Variants in USP37 observed in about 807,000 individuals in gnomAD.
USP37 encodes ubiquitin carboxyl-terminal hydrolase 37.
USP37 carries 27 observed loss-of-function variants against 124.0 expected under a neutral mutation model. The ratio of observed to expected loss-of-function variants is 0.22; its 90% CI spans 0.16 to 0.30. The LOEUF is 0.30. Ranked by LOEUF, USP37 falls within the 10% of genes least tolerant of loss-of-function variation. USP37 has a pLI of 1.00. For missense variants in USP37, 889 were observed against 1,140.4 expected, an observed-to-expected ratio of 0.78 and a Z score of 3.17; for synonymous variants, 365 against 388.0, an observed-to-expected ratio of 0.94 and a Z score of 0.70.
chr2:218,543,501 CAAAAAA>C (rs35321679), intron 8 of USP37, among the ~76,000 whole-genome samples: 17 of 36,932 alleles, frequency 4.6e-4, no homozygotes, highest in Non-Finnish European at 6.6e-4. Context: ...GACTCCGTCT[CAAAAAA>C]AAAAAAAAAA....
chr2:218,563,151 A>C lies in USP37; in HGVS notation c.-229-338T>G, dbSNP rs1405757716. Among the ~76,000 whole-genome samples, 3 of 139,774 alleles carry C rather than the reference A, an allele frequency of 2.1e-5. No homozygotes were observed. The Admixed American group carries it at 2.2e-4, about 10-fold the overall frequency. 91.7% of individuals were successfully genotyped at this position (139,774 alleles called of 152,430 possible). On this transcript the variant is annotated intron_variant, in intron 1 of 25. Transcript: ENST00000258399. ...GCACTCCAACCTGGGCAACAAGAGC[A>C]AAACTCCATCTCAAAAAAAAAAAAA...
chr2:218,487,248 A>G (rs944038854), intron 15 of USP37, among the ~76,000 whole-genome samples: 3 of 152,216 alleles, frequency 2.0e-5, no homozygotes, highest in Admixed American at 6.5e-5. Context: ...GATAAACATG[A>G]TTCTTTCTTC....
rs1692312897 is a variant in USP37, at chr2:218,546,226, T to C, written c.675A>G (p.Ser225=). The change falls in exon 8 of 26, where the codon TCA becomes TCG. Residue 225 remains serine (S), a synonymous_variant. Coordinates refer to ENST00000258399, the MANE Select transcript of USP37 (RefSeq NM_020935.3). The part of the protein sequence containing the change: ...LNEDYPKEND[S]SSNNKAMTDP... Reference sequence around the variant, plus strand: ...AGGCCCTTAAAGTAACTTACGATGATGAATCATTTTCCTTAGGGTAATCTT... The same window carrying C: ...AGGCCCTTAAAGTAACTTACGATGACGAATCATTTTCCTTAGGGTAATCTT... The C allele has an allele frequency of 1.2e-6, 2 of 1,611,946 alleles. No individual in the cohort carries two copies. Among genetic ancestry groups the C allele is most frequent in the African/African-American group, 1.3e-5 (1 of 74,984 alleles).
At chr2:218,526,061 G>GT (rs1397165155) in intron 10 of USP37, among the ~76,000 whole-genome samples, 2 of 152,144 alleles carry the variant, frequency 1.3e-5, no homozygotes, top group African/African-American at 4.8e-5. Flanking sequence ...CGGTGTATAT[G>GT]TATCACGTTC....
At chr2:218,518,282 T>C (rs1559202089) in intron 10 of USP37, among the ~76,000 whole-genome samples, 2 of 152,170 alleles carry the variant, frequency 1.3e-5, no homozygotes, top group Admixed American at 1.3e-4. Flanking sequence ...AATTTCACAG[T>C]TTAAGGTTTT....
rs1305495488 is a variant in USP37, at chr2:218,451,394, A to G, written c.*3536T>C. 1 of 152,208 alleles carries G rather than the reference A, an allele frequency of 6.6e-6. No individual in the cohort carries two copies. Among genetic ancestry groups the G allele is most frequent in the Admixed American group, 6.5e-5 (1 of 15,270 alleles). The allele number at this position is 152,208 out of a possible 1,614,324, so 9.4% of individuals were successfully genotyped here. A position where few individuals can be genotyped will look rare whatever the true frequency, so the allele number is the denominator to read the frequency against. ...CACCTCGGGGGGTCAATTAAATTAA[A>G]AAGGCCCTCCAACCACCCTAAATGG... is the stretch of plus-strand genomic sequence containing the variant. On this transcript the variant is annotated 3_prime_UTR_variant, in exon 26 of 26. Transcript: ENST00000258399.
chr2:218,471,470 G>T (rs1186079735), intron 20 of USP37, among the ~76,000 whole-genome samples: 1 of 152,184 alleles, frequency 6.6e-6, no homozygotes, highest in Non-Finnish European at 1.5e-5. Context: ...GTGATCTCAT[G>T]TATTACTATA....
At chr2:218,543,319 T>G (rs537542202) in intron 8 of USP37, among the ~76,000 whole-genome samples, 1 of 150,174 alleles carries the variant, frequency 6.7e-6, no homozygotes, top group African/African-American at 2.5e-5. Context: ...CTGGGCAACA[T>G]GGTGAAACCC....
chr2:218,527,449 T>C (rs1430142169), intron 10 of USP37, among the ~76,000 whole-genome samples: 1 of 152,238 alleles, frequency 6.6e-6, no homozygotes, highest in African/African-American at 2.4e-5. Context: ...TCGTGCTGGT[T>C]TGAAGTCCCA....
intron 20 of USP37, among the ~76,000 whole-genome samples, chr2:218,466,530 T>C (rs934854747): frequency 6.6e-6 from 1 of 152,082 alleles, no homozygotes; most frequent in South Asian, 2.1e-4. Flanking sequence ...GAAGGCAAAA[T>C]TGTTCTTGTT....
chr2:218,451,717 A>G lies in USP37; in HGVS notation c.*3213T>C, dbSNP rs1409704375. Reference sequence around the variant, plus strand: ...ATTTTATACTTGATCAAGGAGAAAAATAAATGTGTAGTCTAACATTTGCTT... The same window carrying G: ...ATTTTATACTTGATCAAGGAGAAAAGTAAATGTGTAGTCTAACATTTGCTT... On this transcript the variant is annotated 3_prime_UTR_variant, in exon 26 of 26. Coordinates refer to ENST00000258399, the MANE Select transcript of USP37 (RefSeq NM_020935.3). The G allele has an allele frequency of 6.6e-6, 1 of 152,424 alleles. No homozygotes were observed. The highest frequency in any genetic ancestry group is 1.5e-5 in the Non-Finnish European group (1 of 68,048). The allele number at this position is 152,424 out of a possible 1,614,324, so 9.4% of individuals were successfully genotyped here. A position where few individuals can be genotyped will look rare whatever the true frequency, so the allele number is the denominator to read the frequency against.
intron 24 of USP37, 100 bp downstream of exon 24, chr2:218,456,992 A>T: frequency 8.1e-7 from 1 of 1,227,568 alleles, no homozygotes. Context: ...AAAAAGAAAA[A>T]GAAAAACACA....
At chr2:218,553,207 T>C (rs1339856523) in intron 5 of USP37, among the ~76,000 whole-genome samples, 1 of 152,250 alleles carries the variant, frequency 6.6e-6, no homozygotes, top group African/African-American at 2.4e-5. Flanking sequence ...AAGTACGATG[T>C]TAGCTGTAAG....
intron 8 of USP37, among the ~76,000 whole-genome samples, chr2:218,544,405 AAATATAT>A (rs1194465428): frequency 1.7e-4 from 12 of 70,480 alleles, no homozygotes; most frequent in Admixed American, 6.8e-4. Context: ...AAAAAAAAAA[AAATATAT>A]ATATATATAT....
rs553294984 is a variant in USP37 at position 218,517,158 on chromosome 2, C to T, written c.864-7018G>A. 7.2e-5 allele frequency among the ~76,000 whole-genome samples: 11 copies of T among 152,300 alleles called. No homozygotes were observed. The South Asian group carries it at 1.7e-3, about 23-fold the overall frequency. ...AGTCTAATGTAGCTGACTCTTTTAC[C>T]TTCTCCTGGATAATGAAAGAAACTA... is the stretch of plus-strand genomic sequence containing the variant. On this transcript the variant is annotated intron_variant, in intron 10 of 25. Coordinates refer to ENST00000258399, the MANE Select transcript of USP37 (RefSeq NM_020935.3).
chr2:218,518,156 A>G (rs968053700), intron 10 of USP37, among the ~76,000 whole-genome samples: 5 of 152,052 alleles, frequency 3.3e-5, no homozygotes, highest in African/African-American at 4.8e-5. Flanking sequence ...AGATTTCCCA[A>G]TGTTGCCCGG....
chr2:218,451,778 CAT>C lies in USP37; in HGVS notation c.*3150_*3151del, dbSNP rs536439724. 1.3e-4 allele frequency: 20 copies of C among 152,732 alleles called. 1 individual carries two copies. The highest frequency in any genetic ancestry group is 4.1e-4 in the African/African-American group (17 of 41,580). 9.5% of individuals were successfully genotyped at this position (152,732 alleles called of 1,614,324 possible). On this transcript the variant is annotated 3_prime_UTR_variant, in exon 26 of 26. Transcript: ENST00000258399. ...ATTAACTGATCTGTAAGAACCACTG[CAT>C]ATGTCTTAAAATGTAAACATATTTA...
chr2:218,474,795 C>G lies in USP37; in HGVS notation c.2134G>C (p.Val712Leu). The G allele has an allele frequency of 6.2e-7, 1 of 1,614,176 alleles. No homozygotes were observed. The highest frequency in any genetic ancestry group is 8.5e-7 in the Non-Finnish European group (1 of 1,180,030). ...GCATCTCTCTTACTTATCTCCAAGA[C>G]AGCTGCTAGAAGCTCTTCTTCGCTC... is the stretch of plus-strand genomic sequence containing the variant. ...RMSEEELLAA[V>L]LEISKRDASP... The change falls in exon 20 of 26, where the codon GTC (valine) becomes CTC (leucine). Residue 712 changes from valine (V) to leucine (L), a missense_variant. Physicochemically the swap from Val to Leu is conservative, Grantham distance 32. Transcript: ENST00000258399.
chr2:218,564,252 G>T (rs1321697784), intron 1 of USP37, among the ~76,000 whole-genome samples: 1 of 152,092 alleles, frequency 6.6e-6, no homozygotes, highest in African/African-American at 2.4e-5. Context: ...TATTTATTAT[G>T]CAACCCAACA....
Sources: gnomAD v4.1 joint callset for allele counts (sites outside exome capture counted in the v4.1 genomes callset) on GRCh38, gnomAD v4.1.1 for gene constraint, MANE v1.5 for transcripts, NCBI Gene and HGNC (gene_info 2026-07-23, HGNC 2026-07-21) for gene names.